Variants in SNX25 observed in about 807,000 individuals in gnomAD.
The protein encoded by SNX25 is sorting nexin-25.
SNX25 carries 62 observed loss-of-function variants against 113.7 expected under a neutral mutation model. The ratio of observed to expected loss-of-function variants is 0.55; its 90% confidence interval spans 0.44 to 0.67. The LOEUF (loss-of-function observed/expected upper bound fraction) is 0.67. SNX25 is among the 30% of genes least tolerant of loss of function. The pLI is 0.00. For synonymous variants in SNX25, 421 were observed against 436.2 expected, an observed-to-expected ratio of 0.97 and a Z score of 0.43; for missense variants, 1,014 against 1,161.0, an observed-to-expected ratio of 0.87 and a Z score of 1.84.
intron 1 of SNX25, among the ~76,000 whole-genome samples, chr4:185,245,761 C>T (rs1283437726): frequency 6.6e-6 from 1 of 152,172 alleles, no homozygotes; most frequent in Non-Finnish European, 1.5e-5. Flanking sequence ...TGCTTGCAAA[C>T]ATTTTCCCAT....
At chr4:185,251,300 T>G (rs1237085059) in intron 2 of SNX25, among the ~76,000 whole-genome samples, 2 of 152,166 alleles carry the variant, frequency 1.3e-5, no homozygotes, top group Non-Finnish European at 2.9e-5. Flanking sequence ...CGGCCTTAGT[T>G]CAGTAATGTT....
At chr4:185,335,345 C>CAT (rs2095222727) in intron 10 of SNX25, among the ~76,000 whole-genome samples, 1 of 150,710 alleles carries the variant, frequency 6.6e-6, no homozygotes, top group South Asian at 2.1e-4. Flanking sequence ...CACACACACA[C>CAT]ACACACACAC....
At chr4:185,208,994 C>CAAAA (rs1046574147), upstream of SNX25, among the ~76,000 whole-genome samples, 1 of 152,118 alleles carries the variant, frequency 6.6e-6, no homozygotes, top group Non-Finnish European at 1.5e-5. Flanking sequence ...TGGTAAAAAA[C>CAAAA]AAAAAACAAA....
At chr4:185,264,098 G>T (rs1747710180) in intron 3 of SNX25, among the ~76,000 whole-genome samples, 1 of 152,176 alleles carries the variant, frequency 6.6e-6, no homozygotes, top group Admixed American at 6.5e-5. Flanking sequence ...AAATGAAGCT[G>T]CAGGTCATAT....
At chr4:185,235,362 C>A (rs1301695799) in intron 1 of SNX25, among the ~76,000 whole-genome samples, 8 of 152,304 alleles carry the variant, frequency 5.3e-5, no homozygotes, top group Non-Finnish European at 1.2e-4. Context: ...AAGGCCCTGA[C>A]CTGTGCCTTC....
At chr4:185,215,047 A>C (rs1411641931) in intron 1 of SNX25, among the ~76,000 whole-genome samples, 1 of 152,040 alleles carries the variant, frequency 6.6e-6, no homozygotes, top group Non-Finnish European at 1.5e-5. Flanking sequence ...TGGCTAACAC[A>C]GTGAAACCCC....
chr4:185,332,566 G>A (rs761274930), intron 9 of SNX25, 29 bp from the exon 10 acceptor site: 3 of 1,562,222 alleles, frequency 1.9e-6, no homozygotes, highest in Non-Finnish European at 2.6e-6. Flanking sequence ...ATCATTATAA[G>A]ATATGGTGGT....
intron 1 of SNX25, among the ~76,000 whole-genome samples, chr4:185,212,483 G>T (rs1344265612): frequency 5.9e-5 from 3 of 50,888 alleles, no homozygotes; most frequent in Non-Finnish European, 8.5e-5. Context: ...GTGTGTGTGT[G>T]TGTGTGTGTT....
intron 1 of SNX25, among the ~76,000 whole-genome samples, chr4:185,217,425 C>T (rs1434229194): frequency 2.6e-5 from 4 of 152,098 alleles, no homozygotes; most frequent in Admixed American, 6.6e-5. Context: ...CAGGAGGGTC[C>T]TAACATTCCT....
intron 1 of SNX25, among the ~76,000 whole-genome samples, chr4:185,236,448 A>C (rs1390577156): frequency 6.6e-6 from 1 of 152,024 alleles, no homozygotes; most frequent in Non-Finnish European, 1.5e-5. Flanking sequence ...GTCCAAATCC[A>C]CCTATATATT....
downstream of SNX25, among the ~76,000 whole-genome samples, chr4:185,372,310 C>T (rs2095418716): frequency 6.6e-6 from 1 of 152,224 alleles, no homozygotes. Context: ...GCTAGTAGCA[C>T]TGAAATCCTG....
At chr4:185,348,478 C>T (rs565760318) in intron 13 of SNX25, among the ~76,000 whole-genome samples, 9 of 152,122 alleles carry the variant, frequency 5.9e-5, no homozygotes, top group Admixed American at 1.3e-4. Context: ...CTGCAACCTC[C>T]GCCACCTGGG....
At chr4:185,372,417 C>G (rs1406043647), downstream of SNX25, among the ~76,000 whole-genome samples, 1 of 152,186 alleles carries the variant, frequency 6.6e-6, no homozygotes, top group Non-Finnish European at 1.5e-5. Flanking sequence ...TGCTAAGTTG[C>G]ATTAGACACA....
At chr4:185,221,200 T>A (rs1331567900) in intron 1 of SNX25, among the ~76,000 whole-genome samples, 3 of 151,978 alleles carry the variant, frequency 2.0e-5, no homozygotes, top group Non-Finnish European at 4.4e-5. Context: ...ACTCAACTAA[T>A]TTTTGTATTT....
chr4:185,351,756 A>G (rs1195998715), intron 14 of SNX25, 147 bp downstream of exon 14: 3 of 875,436 alleles, frequency 3.4e-6, no homozygotes, highest in Non-Finnish European at 3.4e-6. Flanking sequence ...CTGTATCTTA[A>G]TTCTTCCAAG....
In SNX25 at chr4:185,353,514, A is replaced by G. The variant is rs374295233; in HGVS notation, c.2496A>G (p.Ser832=). ...EEETEEDSDL[S]DYGDDVDGRK... The stretch of plus-strand genomic sequence containing the variant: ...AGACAGAGGAGGACAGTGACCTGTC[A>G]GATTATGGTGATGATGTGGATGGGA... Residue 832 remains serine (S), a synonymous_variant, in exon 15 of 19, where the codon TCA becomes TCG. Transcript: ENST00000652585. The G allele has an allele frequency of 1.2e-6, 2 of 1,614,024 alleles. No individual in the cohort carries two copies. The highest frequency in any genetic ancestry group is 2.7e-5 in the African/African-American group (2 of 74,934).
At chr4:185,320,288 A>G (rs1435357081) in intron 7 of SNX25, among the ~76,000 whole-genome samples, 4 of 152,358 alleles carry the variant, frequency 2.6e-5, no homozygotes, top group East Asian at 1.9e-4. Context: ...ATGGAATACT[A>G]TGCAGCCACA....
chr4:185,262,237 T>C (rs2126533448), intron 3 of SNX25, among the ~76,000 whole-genome samples: 1 of 152,354 alleles, frequency 6.6e-6, no homozygotes, highest in South Asian at 2.1e-4. Flanking sequence ...CCTGTGTTTA[T>C]TTCTAGGCCA....
chr4:185,215,849 G>T (rs1738725864), intron 1 of SNX25, among the ~76,000 whole-genome samples: 1 of 151,474 alleles, frequency 6.6e-6, no homozygotes, highest in Non-Finnish European at 1.5e-5. Flanking sequence ...GAGGGCAGTG[G>T]TGCCATCTTG....
Sources: gnomAD v4.1 joint callset for allele counts (sites outside exome capture counted in the v4.1 genomes callset) on GRCh38, gnomAD v4.1.1 for gene constraint, MANE v1.5 for transcripts, NCBI Gene and HGNC (gene_info 2026-07-23, HGNC 2026-07-21) for gene names.